The following FGF14 variants were observed in gnomAD, a reference collection of about 807,000 sequenced individuals.
FGF14 encodes the protein fibroblast growth factor 14.
Under a neutral mutation model 25.5 loss-of-function variants are expected in FGF14, and 5 were observed. The ratio of observed to expected loss-of-function variants is 0.20; its 90% confidence interval spans 0.10 to 0.41. FGF14 has a LOEUF of 0.41. Ranked by LOEUF, FGF14 falls within the 10% of genes least tolerant of loss-of-function variation. The pLI is 1.00. For missense variants in FGF14, 222 were observed against 320.1 expected, an observed-to-expected ratio of 0.69 and a Z score of 2.34; for synonymous variants, 138 against 118.3, an observed-to-expected ratio of 1.17 and a Z score of -1.08.
intron 1 of FGF14, among the ~76,000 whole-genome samples, chr13:102,278,828 T>A (rs984169125): frequency 3.3e-5 from 5 of 152,102 alleles, no homozygotes; most frequent in African/African-American, 4.8e-5. Context: ...TCTGGTACCA[T>A]CTGCCGAGGG....
intron 3 of FGF14, among the ~76,000 whole-genome samples, chr13:101,822,205 C>T (rs2042187904): frequency 1.3e-5 from 2 of 152,010 alleles, no homozygotes; most frequent in Non-Finnish European, 2.9e-5. Flanking sequence ...ATTATGGCTC[C>T]CACTCCCTTC....
At chr13:101,963,983 A>C (rs546525393) in intron 1 of FGF14, among the ~76,000 whole-genome samples, 3 of 152,252 alleles carry the variant, frequency 2.0e-5, no homozygotes, top group Non-Finnish European at 4.4e-5. Context: ...AAAAGATATA[A>C]TAATAAATGC....
chr13:102,260,506 T>A (rs2141114398), intron 1 of FGF14, among the ~76,000 whole-genome samples: 1 of 152,342 alleles, frequency 6.6e-6, no homozygotes, highest in Admixed American at 6.5e-5. Context: ...GTATCGGAAA[T>A]GGCTCTGTTT....
At chr13:102,259,198 A>G (rs535086896) in intron 1 of FGF14, among the ~76,000 whole-genome samples, 26 of 152,252 alleles carry the variant, frequency 1.7e-4, no homozygotes, top group Admixed American at 2.0e-4. Context: ...GCTAGGCTGC[A>G]TGGGGCTCTG....
chr13:102,347,787 T>C (rs1328501439), intron 1 of FGF14, among the ~76,000 whole-genome samples: 1 of 152,100 alleles, frequency 6.6e-6, no homozygotes, highest in Non-Finnish European at 1.5e-5. Context: ...CAGTCTACTT[T>C]TAACCCGAAA....
At chr13:102,153,619 T>G (rs1039885173) in intron 1 of FGF14, among the ~76,000 whole-genome samples, 1 of 152,218 alleles carries the variant, frequency 6.6e-6, no homozygotes, top group East Asian at 1.9e-4. Flanking sequence ...AAAAAATGTA[T>G]ACAATTTACC....
intron 3 of FGF14, among the ~76,000 whole-genome samples, chr13:101,817,047 C>G (rs2041878972): frequency 6.6e-6 from 1 of 152,118 alleles, no homozygotes; most frequent in Non-Finnish European, 1.5e-5. Context: ...CTGCCTCTTC[C>G]TCTCCTCTTT....
At position 101,916,480 on chromosome 13, in the gene FGF14, G is replaced by C. The variant is rs2033508502; in HGVS notation, c.166C>G (p.Leu56Val). Residue 56 changes from leucine to valine, a missense_variant, in exon 1 of 5, where the codon CTC (leucine) becomes GTC (valine). By Grantham distance (32) the Leu-to-Val change is conservative (BLOSUM62 1). This residue lies in a region of FGF14 where 80 missense variants were observed against 72.2 expected (regional missense o/e 1.11). Transcript: ENST00000376143. ...DIFSKVRIFGLKKRRLRRQDP... is the reference protein window; with the variant it reads ...DIFSKVRIFGVKKRRLRRQDP... Reference sequence around the variant, plus strand: ...TGGCGCCGCAACCTGCGCTTCTTGAGGCCGAAGATGCGCACTTTGGAGAAG... The same window carrying C: ...TGGCGCCGCAACCTGCGCTTCTTGACGCCGAAGATGCGCACTTTGGAGAAG... The C allele has an allele frequency of 6.2e-7, 1 of 1,613,972 alleles. No homozygotes were observed. The highest frequency in any genetic ancestry group is 8.5e-7 in the Non-Finnish European group (1 of 1,179,940).
At chr13:102,347,008 A>G (rs988908964) in intron 1 of FGF14, among the ~76,000 whole-genome samples, 1 of 152,212 alleles carries the variant, frequency 6.6e-6, no homozygotes, top group African/African-American at 2.4e-5. Context: ...CCAAAAGTGG[A>G]TAGCCAGCAT....
chr13:102,187,958 G>A (rs1329711889), intron 1 of FGF14, among the ~76,000 whole-genome samples: 1 of 152,208 alleles, frequency 6.6e-6, no homozygotes, highest in Non-Finnish European at 1.5e-5. Context: ...CATAAGGACA[G>A]TTGAAAGATA....
In FGF14 at chr13:101,945,227, A is replaced by G. The variant is rs1052199096; in HGVS notation, c.209-69931T>C. Among the ~76,000 whole-genome samples the G allele has an allele frequency of 7.2e-5, 11 of 152,268 alleles. No individual in the cohort carries two copies. In the East Asian group the frequency reaches 2.1e-3, roughly 29 times the overall value. ...CAGCTACTTGGGAGGCTGAGGCAGG[A>G]GAATCACTTGAACCCCACAGGCGGA... On this transcript the variant is annotated intron_variant, in intron 1 of 4. Transcript: ENST00000376131.
intron 3 of FGF14, among the ~76,000 whole-genome samples, chr13:101,769,778 G>T (rs2038641687): frequency 6.6e-6 from 1 of 152,140 alleles, no homozygotes; most frequent in Admixed American, 6.6e-5. Flanking sequence ...ACAGTAAAAA[G>T]ATCAGTGGTT....
At chr13:102,347,296 G>A (rs1448846006) in intron 1 of FGF14, among the ~76,000 whole-genome samples, 1 of 152,148 alleles carries the variant, frequency 6.6e-6, no homozygotes, top group African/African-American at 2.4e-5. Flanking sequence ...GAACTCATGG[G>A]TGAGTAACTC....
chr13:102,123,235 T>A (rs953639828), intron 1 of FGF14, among the ~76,000 whole-genome samples: 19 of 152,120 alleles, frequency 1.2e-4, no homozygotes, highest in African/African-American at 4.6e-4. Context: ...ATTTTCTAGG[T>A]CATATGCAGC....
chr13:102,343,601 T>A (rs1038167437), intron 1 of FGF14, among the ~76,000 whole-genome samples: 23 of 152,142 alleles, frequency 1.5e-4, no homozygotes, highest in African/African-American at 4.8e-4. Context: ...ATTAGAAGGG[T>A]GTGATATTAC....
chr13:102,003,767 C>T (rs2139753499), intron 1 of FGF14, among the ~76,000 whole-genome samples: 1 of 151,692 alleles, frequency 6.6e-6, no homozygotes, highest in African/African-American at 2.4e-5. Context: ...TTTCCTTTGA[C>T]AGCTTTCTTC....
chr13:102,093,892 G>A (rs1278212699), intron 1 of FGF14, among the ~76,000 whole-genome samples: 1 of 151,022 alleles, frequency 6.6e-6, no homozygotes, highest in Non-Finnish European at 1.5e-5. Flanking sequence ...CAGCAGGCAT[G>A]AACATCTTGG....
At chr13:102,256,321 C>A (rs1269376295) in intron 1 of FGF14, among the ~76,000 whole-genome samples, 1 of 151,714 alleles carries the variant, frequency 6.6e-6, no homozygotes, top group East Asian at 1.9e-4. Flanking sequence ...AGGTAGACCC[C>A]ATCTCTACAA....
Position 101,916,570 on chromosome 13 carries a change from C to T in FGF14, c.76G>A (p.Ala26Thr), listed in dbSNP as rs777613914. The change falls in exon 1 of 5, where the codon GCC (alanine) becomes ACC (threonine). Residue 26 changes from alanine to threonine, a missense_variant. Ala to Thr is a moderately conservative substitution (Grantham distance 58, BLOSUM62 0). Coordinates refer to ENST00000376143, the MANE Select transcript of FGF14 (RefSeq NM_004115.4). ...AREQHWDRPS[A>T]SRRRSSPSKN... is the part of the protein sequence containing the mutation. ...CTGGGGCTGCTCCGCCTCCTGCTGG[C>T]AGACGGCCGGTCCCAGTGCTGCTCC... is the stretch of plus-strand genomic sequence containing the variant. The T allele has an allele frequency of 8.1e-6, 13 of 1,610,718 alleles. No individual in the cohort carries two copies. The highest frequency in any genetic ancestry group is 1.7e-6 in the Non-Finnish European group (2 of 1,178,970).
Sources: gnomAD v4.1 joint callset for allele counts (sites outside exome capture counted in the v4.1 genomes callset) on GRCh38, gnomAD v4.1.1 for gene constraint, gnomAD v4.1.1 regional missense constraint, MANE v1.5 for transcripts, NCBI Gene and HGNC (gene_info 2026-07-23, HGNC 2026-07-21) for gene names.